The following ARID1B variants were observed in gnomAD, a reference collection of about 807,000 sequenced individuals.
ARID1B encodes AT-rich interactive domain-containing protein 1B.
A neutral mutation model predicts 212.3 loss-of-function variants in ARID1B; 30 were observed. That is an observed-to-expected ratio of 0.14 (90% CI 0.11 to 0.19). ARID1B has a LOEUF of 0.19. Among genes scored for constraint, ARID1B ranks in the 10% least tolerant of loss-of-function variants. ARID1B has a pLI of 1.00. For missense variants in ARID1B, 2,891 were observed against 3,204.0 expected, an observed-to-expected ratio of 0.90 and a Z score of 2.36; for synonymous variants, 1,402 against 1,301.7, an observed-to-expected ratio of 1.08 and a Z score of -1.66.
chr6:156,859,290 T>C (rs1785163782), intron 2 of ARID1B, among the ~76,000 whole-genome samples: 1 of 152,146 alleles, frequency 6.6e-6, no homozygotes, highest in African/African-American at 2.4e-5. Flanking sequence ...ACCACCGTTG[T>C]ATATGTGGTC....
chr6:156,792,093 T>A (rs1174094542), intron 1 of ARID1B, among the ~76,000 whole-genome samples: 1 of 152,236 alleles, frequency 6.6e-6, no homozygotes, highest in Non-Finnish European at 1.5e-5. Flanking sequence ...TTTACTCATA[T>A]GAGAGTTATT....
intron 4 of ARID1B, chr6:156,942,335 C>T (rs934892533): frequency 1.3e-5 from 2 of 151,810 alleles, no homozygotes; most frequent in African/African-American, 4.9e-5. Flanking sequence ...AGTCAGCATA[C>T]AAATTTTGCC....
Position 157,201,085 on chromosome 6 carries a change from C to T in ARID1B, c.4860C>T (p.Asp1620=), listed in dbSNP as rs755734669. 1.4e-5 allele frequency: 23 copies of T among 1,614,072 alleles called. No individual in the cohort carries two copies. Among genetic ancestry groups the T allele is most frequent in the African/African-American group, 8.0e-5 (6 of 74,932 alleles). The change falls in exon 18 of 20, where the codon GAC becomes GAT. Residue 1620 remains aspartate, a synonymous_variant. Transcript: ENST00000636930. This position sits in a 1 kb window ranked among gnomAD's most constrained non-coding sequence, Gnocchi z 5.2. The part of the protein sequence containing the change: ...APPYPGMNRT[D]DMMVPDQRIN... Reference sequence around the variant, plus strand: ...CTTACCCAGGCATGAACCGCACAGACGATATGATGGTACCCGATCAGAGGA... The same window carrying T: ...CTTACCCAGGCATGAACCGCACAGATGATATGATGGTACCCGATCAGAGGA...
chr6:157,006,015 A>G (rs528258733), intron 4 of ARID1B, among the ~76,000 whole-genome samples: 2 of 151,736 alleles, frequency 1.3e-5, no homozygotes, highest in African/African-American at 4.8e-5. Context: ...CCTTCCTTCT[A>G]TTCCCCTTCT....
chr6:156,855,372 T>C (rs368993477), intron 2 of ARID1B, among the ~76,000 whole-genome samples: 24 of 152,354 alleles, frequency 1.6e-4, no homozygotes, highest in African/African-American at 4.8e-4. Flanking sequence ...GTGTACCTTC[T>C]GCACAGGGTT....
At chr6:157,034,002 G>C (rs1380773299) in intron 4 of ARID1B, among the ~76,000 whole-genome samples, 2 of 152,162 alleles carry the variant, frequency 1.3e-5, no homozygotes, top group Non-Finnish European at 2.9e-5. Flanking sequence ...TACAGTGTCT[G>C]TGTGGAGGAG....
intron 4 of ARID1B, among the ~76,000 whole-genome samples, chr6:157,013,179 G>A (rs912286398): frequency 1.3e-5 from 2 of 152,170 alleles, no homozygotes; most frequent in African/African-American, 4.8e-5. Context: ...GCGCCCTGCC[G>A]GCATGAAGTT....
At chr6:156,922,163 A>G (rs1295763608) in intron 3 of ARID1B, among the ~76,000 whole-genome samples, 2 of 149,092 alleles carry the variant, frequency 1.3e-5, no homozygotes, top group Non-Finnish European at 3.0e-5. Flanking sequence ...GGGGTCCTGT[A>G]TAGGTTGCCC....
chr6:156,968,377 A>G (rs1794916780), intron 4 of ARID1B, among the ~76,000 whole-genome samples: 1 of 152,270 alleles, frequency 6.6e-6, no homozygotes, highest in African/African-American at 2.4e-5. Context: ...CACTTGGGGA[A>G]GATGAATGCA....
At chr6:157,072,889 T>G (rs1010942526) in intron 4 of ARID1B, among the ~76,000 whole-genome samples, 1 of 152,224 alleles carries the variant, frequency 6.6e-6, no homozygotes, top group Non-Finnish European at 1.5e-5. Context: ...CAGCAAAGAC[T>G]TGAACCAAGG....
chr6:157,021,992 C>T (rs531522984), intron 4 of ARID1B, among the ~76,000 whole-genome samples: 2 of 152,228 alleles, frequency 1.3e-5, no homozygotes, highest in African/African-American at 4.8e-5. Context: ...CTTTCCCCCT[C>T]TCAAAACCAC....
intron 4 of ARID1B, among the ~76,000 whole-genome samples, chr6:156,953,468 AAAGG>A (rs1793736327): frequency 6.6e-6 from 1 of 152,250 alleles, no homozygotes; most frequent in Non-Finnish European, 1.5e-5. Flanking sequence ...GAGCAAGAGA[AAAGG>A]AAGGCTAGAA....
Position 157,094,307 on chromosome 6 carries a change from A to C in ARID1B, c.2491+9402A>C, listed in dbSNP as rs1785470978. 6.6e-6 allele frequency among the ~76,000 whole-genome samples: 1 copy of C among 152,124 alleles called. No homozygotes were observed. The highest frequency in any genetic ancestry group is 6.5e-5 in the Admixed American group (1 of 15,280). On this transcript the variant is annotated intron_variant, in intron 5 of 19. Transcript: ENST00000636930. The surrounding 1 kb of genome is among the most constrained non-coding windows in gnomAD (Gnocchi z 4.3). ...AGCAGAATGTGTGGGCAGTTAGGTG[A>C]GAGAGGAGCTAACGACTTTGTAGGT...
intron 4 of ARID1B, among the ~76,000 whole-genome samples, chr6:156,971,843 AT>A (rs1295279810): frequency 6.6e-6 from 1 of 152,056 alleles, no homozygotes; most frequent in African/African-American, 2.4e-5. Flanking sequence ...TTCCTTTTCG[AT>A]TAACTAATTA....
At chr6:157,123,870 T>C (rs1265917061) in intron 6 of ARID1B, among the ~76,000 whole-genome samples, 2 of 152,264 alleles carry the variant, frequency 1.3e-5, no homozygotes, top group East Asian at 3.8e-4. Context: ...AGGAAAGTGA[T>C]GCTTTGCAGC....
At chr6:156,817,599 C>A (rs1782055592) in intron 1 of ARID1B, among the ~76,000 whole-genome samples, 1 of 151,744 alleles carries the variant, frequency 6.6e-6, no homozygotes, top group Non-Finnish European at 1.5e-5. Flanking sequence ...TGCACTCCAG[C>A]CTGTGTGACA....
At chr6:157,090,213 C>T (rs1024433153) in intron 5 of ARID1B, among the ~76,000 whole-genome samples, 3 of 152,072 alleles carry the variant, frequency 2.0e-5, no homozygotes, top group Non-Finnish European at 2.9e-5. Context: ...CTGTAAGCAG[C>T]GGCAGTGTTT....
Position 156,913,627 on chromosome 6 carries a change from C to T in ARID1B, c.2136+12102C>T, listed in dbSNP as rs553311686. ...GAAATTTTGTATCTTTGATCGACAT[C>T]TTCCCAACTTCCAGCCCACCCCAGC... On this transcript the variant is annotated intron_variant, in intron 3 of 19. Transcript: ENST00000636930. Among the ~76,000 whole-genome samples, 4 of 152,194 alleles carry T rather than the reference C, an allele frequency of 2.6e-5. No individual in the cohort carries two copies. In the South Asian group the frequency reaches 8.3e-4, roughly 32 times the overall value.
At chr6:156,852,752 G>C (rs377450099) in intron 2 of ARID1B, among the ~76,000 whole-genome samples, 4 of 152,258 alleles carry the variant, frequency 2.6e-5, no homozygotes, top group South Asian at 4.1e-4. Context: ...TGAACTCTAT[G>C]CTATTTTAGA....
Sources: gnomAD v4.1 joint callset for allele counts (sites outside exome capture counted in the v4.1 genomes callset) on GRCh38, gnomAD v4.1.1 for gene constraint, Gnocchi (gnomAD v3.1) non-coding constraint, MANE v1.5 for transcripts, NCBI Gene and HGNC (gene_info 2026-07-23, HGNC 2026-07-21) for gene names.